The following ACBD5 variants were observed in gnomAD, a reference collection of about 807,000 sequenced individuals.
ACBD5 encodes acyl-CoA binding domain containing 5.
ACBD5 carries 40 observed loss-of-function variants against 71.8 expected under a neutral mutation model. The ratio of observed to expected loss-of-function variants is 0.56; its 90% CI spans 0.43 to 0.72. The LOEUF is 0.72. Among genes scored for constraint, ACBD5 ranks in the 30% least tolerant of loss-of-function variants. ACBD5 has a pLI of 0.00. For missense variants in ACBD5, 559 were observed against 644.5 expected (o/e 0.87, Z 1.44); for synonymous variants, 229 against 218.6 (o/e 1.05, Z -0.42).
At chr10:27,193,408 A>G (rs2059166044), downstream of ACBD5, 1 of 152,134 alleles carries the variant, frequency 6.6e-6, no homozygotes. Flanking sequence ...CCTGGGCAAC[A>G]GAGCGAGACT....
chr10:27,215,678 C>G, intron 7 of ACBD5, 37 bp from the exon 8 acceptor site: 1 of 1,450,972 alleles, frequency 6.9e-7, no homozygotes, highest in Non-Finnish European at 9.6e-7. Context: ...GGTAATTATA[C>G]TATAGTAGAA....
Position 27,198,080 on chromosome 10 carries a change from AT to A in ACBD5, c.1566-639del, listed in dbSNP as rs2059537366. Among the ~76,000 whole-genome samples, 3 of 152,346 alleles carry A rather than the reference AT, an allele frequency of 2.0e-5. No individual in the cohort carries two copies. In the South Asian group the frequency reaches 6.2e-4, roughly 32 times the overall value. On this transcript the variant is annotated intron_variant, in intron 12 of 12. Coordinates refer to ENST00000396271, the MANE Select transcript of ACBD5 (RefSeq NM_145698.5). ...TCAAAATGGAAAAGTTATGAAACAA[AT>A]GCGTAACAAAACTGTAAGAGGATAA...
At chr10:27,192,042 A>T (rs191300103), downstream of ACBD5, among the ~76,000 whole-genome samples, 12 of 152,296 alleles carry the variant, frequency 7.9e-5, no homozygotes, top group African/African-American at 2.9e-4. Context: ...ATTTTTAAAA[A>T]TGAACTTGGT....
intron 8 of ACBD5, among the ~76,000 whole-genome samples, chr10:27,213,561 C>T (rs1415183534): frequency 6.6e-6 from 1 of 152,060 alleles, no homozygotes; most frequent in Admixed American, 6.6e-5. Flanking sequence ...AGTTCGAGAC[C>T]AGCCTGACCA....
chr10:27,210,868 G>A lies in ACBD5; in HGVS notation c.1150C>T (p.Arg384Trp), dbSNP rs149955149. ...DGRNNSGAPH[R>W]EKRGGETDEF... ...TCAGTTTCTCCGCCTCGCTTCTCCCGGTGTGGTGCTCCGCTGTTATTCCTG... is the reference window on the plus strand; with the variant it reads ...TCAGTTTCTCCGCCTCGCTTCTCCCAGTGTGGTGCTCCGCTGTTATTCCTG... Residue 384 changes from arginine (R) to tryptophan (W), a missense_variant, in exon 9 of 13, where the codon CGG becomes TGG. Coordinates refer to ENST00000396271, the MANE Select transcript of ACBD5 (RefSeq NM_145698.5). 187 of 1,614,022 alleles carry A rather than the reference G, an allele frequency of 1.2e-4. No individual in the cohort carries two copies. The highest frequency in any genetic ancestry group is 1.4e-4 in the Non-Finnish European group (167 of 1,180,038).
intron 13 of ACBD5, chr10:27,186,553 T>G: frequency 1.9e-6 from 3 of 1,609,100 alleles, no homozygotes; most frequent in Non-Finnish European, 2.6e-6. Flanking sequence ...AATTTTCCTT[T>G]TAGTCTAGCC....
At chr10:27,184,750 G>A (rs1238885980) in intron 13 of ACBD5, among the ~76,000 whole-genome samples, 1 of 151,512 alleles carries the variant, frequency 6.6e-6, no homozygotes, top group African/African-American at 2.4e-5. Context: ...TAGTAGAGAC[G>A]GGGTTTCACC....
chr10:27,219,132 T>C (rs929780458), intron 6 of ACBD5, among the ~76,000 whole-genome samples: 1 of 151,860 alleles, frequency 6.6e-6, no homozygotes, highest in Non-Finnish European at 1.5e-5. Flanking sequence ...TGACATCCTG[T>C]CTCTACTAAA....
At position 27,196,414 on chromosome 10, in the gene ACBD5, C is replaced by T. The variant is rs753688343; in HGVS notation, c.*1016G>A. The stretch of plus-strand genomic sequence containing the variant: ...CTTATTCCTATGGAAGCATTTGGCC[C>T]GTTAGCTTGCAAATCCCTCCAGTAC... On this transcript the variant is annotated 3_prime_UTR_variant, in exon 13 of 13. Transcript: ENST00000396271. 16 of 454,130 alleles carry T rather than the reference C, an allele frequency of 3.5e-5. 1 individual carries two copies. Among genetic ancestry groups the T allele is most frequent in the South Asian group, 1.6e-4 (10 of 64,464 alleles). The allele number at this position is 454,130 out of a possible 1,614,324, so 28.1% of individuals were successfully genotyped here.
In ACBD5 at chr10:27,240,295, A is replaced by G; in HGVS notation, c.181+24T>C. 6.2e-7 allele frequency: 1 copy of G among 1,614,070 alleles called. No individual in the cohort carries two copies. Among genetic ancestry groups the G allele is most frequent in the South Asian group, 1.1e-5 (1 of 91,084 alleles). On this transcript the variant is annotated intron_variant, in intron 2 of 12. Transcript: ENST00000396271. The surrounding 1 kb of genome is among the most constrained non-coding windows in gnomAD (Gnocchi z 4.1). ...TTGGGGCTCTCTGCAGGAGGCGTCT[A>G]CAGCCGGGGCCCAGCGCACGTACCA...
chr10:27,220,873 A>T (rs1197086835), intron 5 of ACBD5, among the ~76,000 whole-genome samples: 1 of 152,214 alleles, frequency 6.6e-6, no homozygotes, highest in East Asian at 1.9e-4. Context: ...CTTTTAAGGA[A>T]ATGCTTTGTT....
At chr10:27,186,338 G>A (rs768576429) in intron 13 of ACBD5, 13 of 1,566,850 alleles carry the variant, frequency 8.3e-6, no homozygotes, top group Non-Finnish European at 7.9e-6. Flanking sequence ...TACTTACTTA[G>A]GTAATGATAT....
intron 4 of ACBD5, among the ~76,000 whole-genome samples, chr10:27,225,560 C>T (rs1589263708): frequency 6.6e-6 from 1 of 152,134 alleles, no homozygotes; most frequent in Admixed American, 6.5e-5. Context: ...GAAAGGAATG[C>T]TTTAATCACA....
At chr10:27,187,207 G>A (rs1356153865) in intron 13 of ACBD5, among the ~76,000 whole-genome samples, 1 of 152,046 alleles carries the variant, frequency 6.6e-6, no homozygotes, top group Non-Finnish European at 1.5e-5. Flanking sequence ...GGCTGAGGCA[G>A]GAGAATCGCT....
chr10:27,230,811 A>G (rs1383493354), intron 4 of ACBD5, among the ~76,000 whole-genome samples: 1 of 151,066 alleles, frequency 6.6e-6, no homozygotes, highest in Non-Finnish European at 1.5e-5. Flanking sequence ...AAAAAAAAAA[A>G]AAGACTCTAT....
chr10:27,223,196 A>G (rs1351558569), intron 5 of ACBD5, 142 bp downstream of exon 5: 1 of 740,218 alleles, frequency 1.4e-6, no homozygotes, highest in Admixed American at 2.0e-5. Flanking sequence ...ACATGATTTC[A>G]TGATTCCTAC....
At chr10:27,190,102 T>C (rs1481970236) in intron 13 of ACBD5, among the ~76,000 whole-genome samples, 1 of 152,068 alleles carries the variant, frequency 6.6e-6, no homozygotes, top group East Asian at 1.9e-4. Context: ...CTGGCCAACA[T>C]GGTAAAACCC....
At chr10:27,232,722 T>C (rs1363083461) in intron 3 of ACBD5, among the ~76,000 whole-genome samples, 1 of 152,174 alleles carries the variant, frequency 6.6e-6, no homozygotes, top group Non-Finnish European at 1.5e-5. Context: ...TGGAAATGGT[T>C]TCTCACTTCT....
rs1048750112 is a variant in ACBD5 at position 27,200,250 on chromosome 10, G to A, written c.1566-2808C>T. The stretch of plus-strand genomic sequence containing the variant: ...TAAAACCCACCAAAACCAAGATGGT[G>A]ATGAGAGTGACCTCTGGTCGTCCTC... On this transcript the variant is annotated intron_variant, in intron 12 of 12. Transcript: ENST00000396271. 2.6e-5 allele frequency among the ~76,000 whole-genome samples: 4 copies of A among 152,172 alleles called. No individual in the cohort carries two copies. In the East Asian group the frequency reaches 7.7e-4, roughly 29 times the overall value.
Sources: allele counts gnomAD v4.1 joint callset (sites outside exome capture counted in the v4.1 genomes callset), GRCh38; gene constraint gnomAD v4.1.1; non-coding constraint Gnocchi (gnomAD v3.1); transcripts MANE v1.5; gene names NCBI Gene and HGNC (gene_info 2026-07-23, HGNC 2026-07-21).